NRXN1: variants seen among roughly 807,000 people sequenced by gnomAD.
The protein encoded by NRXN1 is neurexin 1.
Under a neutral mutation model 150.9 loss-of-function variants are expected in NRXN1, and 39 were observed. The observed-to-expected ratio is 0.26, with a 90% CI of 0.20 to 0.34. NRXN1 has a LOEUF of 0.34. Ranked by LOEUF, NRXN1 falls within the 10% of genes least tolerant of loss-of-function variation. The probability of loss-of-function intolerance (pLI) is 1.00; values close to 1 mark genes in which losing one functional copy is unlikely to be tolerated. For synonymous variants in NRXN1, 924 were observed against 757.0 expected (o/e 1.22, Z -3.62); for missense variants, 1,815 against 1,949.9 (o/e 0.93, Z 1.30).
intron 9 of NRXN1, among the ~76,000 whole-genome samples, chr2:50,543,419 T>A (rs560413070): frequency 1.3e-5 from 2 of 152,258 alleles, no homozygotes; most frequent in African/African-American, 4.8e-5. Flanking sequence ...AGGAATGAGA[T>A]CGCAACTAAA....
chr2:50,338,523 A>G (rs373847090), intron 17 of NRXN1, among the ~76,000 whole-genome samples: 8 of 152,166 alleles, frequency 5.3e-5, no homozygotes, highest in African/African-American at 1.4e-4. Context: ...TCTCTATACT[A>G]GATTGTAATA....
At chr2:50,145,581 G>T (rs1707889377) in intron 18 of NRXN1, among the ~76,000 whole-genome samples, 1 of 151,566 alleles carries the variant, frequency 6.6e-6, no homozygotes, top group African/African-American at 2.4e-5. Context: ...CTTTGAATCT[G>T]CTTTTTTAGG....
chr2:50,101,862 T>C (rs1701025423), intron 18 of NRXN1, among the ~76,000 whole-genome samples: 1 of 151,962 alleles, frequency 6.6e-6, no homozygotes, highest in South Asian at 2.1e-4. Context: ...CTAATGATGC[T>C]ATGTTAGTTT....
At position 50,577,485 on chromosome 2, in the gene NRXN1, C is replaced by G. The variant is rs181400618; in HGVS notation, c.1321-24460G>C. Among the ~76,000 whole-genome samples the G allele has an allele frequency of 2.4e-3, 366 of 152,052 alleles. 2 individuals carry two copies. Among genetic ancestry groups the G allele is most frequent in the African/African-American group, 8.2e-3 (339 of 41,518 alleles). ...CATTCCATATTTTAGTTCCTAAGAT[C>G]ACATTATATATGGAATTCCAGTTTT... On this transcript the variant is annotated intron_variant, in intron 8 of 22. Coordinates refer to ENST00000401669, the MANE Select transcript of NRXN1 (RefSeq NM_001330078.2).
rs191094384 is a variant in NRXN1 at position 51,007,114 on chromosome 2, G to A, written c.772+20388C>T. ...CTCTAGTGCATAAATTACAACATTAGATACTATAATGAGCTATAACTCTTC... is the reference window on the plus strand; with the variant it reads ...CTCTAGTGCATAAATTACAACATTAAATACTATAATGAGCTATAACTCTTC... On this transcript the variant is annotated intron_variant, in intron 2 of 22. Transcript: ENST00000401669. Among the ~76,000 whole-genome samples the A allele has an allele frequency of 4.3e-4, 65 of 152,020 alleles. 1 individual carries two copies. Among genetic ancestry groups the A allele is most frequent in the African/African-American group, 1.5e-3 (63 of 41,518 alleles).
chr2:50,614,239 C>G (rs951443722), intron 8 of NRXN1, among the ~76,000 whole-genome samples: 1 of 152,096 alleles, frequency 6.6e-6, no homozygotes, highest in Non-Finnish European at 1.5e-5. Flanking sequence ...TTAATCATGA[C>G]TTTGGAATCC....
chr2:50,551,017 A>G (rs911527646), intron 9 of NRXN1, among the ~76,000 whole-genome samples: 1 of 110,562 alleles, frequency 9.0e-6, no homozygotes, highest in African/African-American at 3.5e-5. Context: ...AGGAGGAGGA[A>G]GAGGAAGAGG....
intron 18 of NRXN1, among the ~76,000 whole-genome samples, chr2:50,189,458 T>C (rs1282490835): frequency 6.6e-6 from 1 of 152,172 alleles, no homozygotes; most frequent in Non-Finnish European, 1.5e-5. Context: ...GGCACACGTA[T>C]ACTTATGTAA....
intron 22 of NRXN1, among the ~76,000 whole-genome samples, chr2:49,927,925 A>T (rs534108473): frequency 5.3e-5 from 8 of 151,978 alleles, no homozygotes; most frequent in African/African-American, 1.7e-4. Flanking sequence ...TTTCTAGGTA[A>T]TTTTTCGGGC....
intron 18 of NRXN1, among the ~76,000 whole-genome samples, chr2:50,223,040 C>T (rs2064025504): frequency 6.6e-6 from 1 of 151,708 alleles, no homozygotes; most frequent in African/African-American, 2.4e-5. Context: ...AAAGTAAATA[C>T]TTTCATCCGT....
At chr2:50,165,234 C>T (rs2059605691) in intron 18 of NRXN1, among the ~76,000 whole-genome samples, 1 of 152,168 alleles carries the variant, frequency 6.6e-6, no homozygotes, top group African/African-American at 2.4e-5. Flanking sequence ...TTAACGGATC[C>T]TCATGGAGGA....
intron 18 of NRXN1, among the ~76,000 whole-genome samples, chr2:50,178,431 C>T (rs892676408): frequency 6.6e-6 from 1 of 151,982 alleles, no homozygotes; most frequent in Non-Finnish European, 1.5e-5. Flanking sequence ...TCAATTCTTG[C>T]CAACTTTTTC....
intron 2 of NRXN1, among the ~76,000 whole-genome samples, chr2:50,995,414 G>A (rs1699117921): frequency 6.6e-6 from 1 of 151,528 alleles, no homozygotes; most frequent in Non-Finnish European, 1.5e-5. Flanking sequence ...CTGTCCAACA[G>A]GACAAAACAA....
In NRXN1 at chr2:50,788,876, G is replaced by A. The variant is rs138165902; in HGVS notation, c.832+132993C>T. Reference sequence around the variant, plus strand: ...CATAAGCACTATGATAAGGGTAACCGAGGCATTGAGTGATCATGGAAGGTT... The same window carrying A: ...CATAAGCACTATGATAAGGGTAACCAAGGCATTGAGTGATCATGGAAGGTT... On this transcript the variant is annotated intron_variant, in intron 5 of 22. Coordinates refer to ENST00000401669, the MANE Select transcript of NRXN1 (RefSeq NM_001330078.2). 5.7e-4 allele frequency among the ~76,000 whole-genome samples: 87 copies of A among 152,246 alleles called. 1 individual carries two copies. The highest frequency in any genetic ancestry group is 1.9e-3 in the African/African-American group (79 of 41,554).
chr2:50,918,037 A>T (rs1685466151), intron 5 of NRXN1: 1 of 151,822 alleles, frequency 6.6e-6, no homozygotes, highest in African/African-American at 2.4e-5. Context: ...AGTTGTATCC[A>T]GGTCTTAACA....
Position 50,132,596 on chromosome 2 carries a change from C to T in NRXN1, c.3547-41102G>A, listed in dbSNP as rs542514853. Reference sequence around the variant, plus strand: ...CTGAGATTACAGGCATGAGCCACCGCGACCGGCCCAGCTCTTATCTTTTTA... The same window carrying T: ...CTGAGATTACAGGCATGAGCCACCGTGACCGGCCCAGCTCTTATCTTTTTA... On this transcript the variant is annotated intron_variant, in intron 18 of 22. Transcript: ENST00000401669. Among the ~76,000 whole-genome samples, 10 of 152,100 alleles carry T rather than the reference C, an allele frequency of 6.6e-5. No individual in the cohort carries two copies. In the East Asian group the frequency reaches 7.8e-4, roughly 12 times the overall value.
intron 17 of NRXN1, among the ~76,000 whole-genome samples, chr2:50,273,550 T>A (rs2069994356): frequency 1.3e-5 from 2 of 152,124 alleles, no homozygotes; most frequent in African/African-American, 4.8e-5. Flanking sequence ...ATTTTTACAG[T>A]CCCTTATTAA....
intron 5 of NRXN1, among the ~76,000 whole-genome samples, chr2:50,736,565 T>A (rs1164225851): frequency 2.6e-5 from 4 of 152,130 alleles, no homozygotes; most frequent in African/African-American, 9.7e-5. Flanking sequence ...GAGGGCGGTT[T>A]CCACCATGGA....
intron 4 of NRXN1, among the ~76,000 whole-genome samples, chr2:50,922,363 C>A (rs1032375105): frequency 6.6e-6 from 1 of 151,812 alleles, no homozygotes; most frequent in Admixed American, 6.6e-5. Flanking sequence ...CCACCCTTTA[C>A]TGCATATGCT....
Sources: allele counts gnomAD v4.1 joint callset (sites outside exome capture counted in the v4.1 genomes callset), GRCh38; gene constraint gnomAD v4.1.1; transcripts MANE v1.5; gene names NCBI Gene and HGNC (gene_info 2026-07-23, HGNC 2026-07-21).